Variants in KRT12 observed in about 807,000 individuals in gnomAD.
KRT12 encodes the protein keratin 12.
A neutral mutation model predicts 50.2 loss-of-function variants in KRT12; 43 were observed. That is an observed-to-expected ratio of 0.86 (90% confidence interval 0.67 to 1.11). The LOEUF (loss-of-function observed/expected upper bound fraction) is 1.11, where lower values mean the gene tolerates loss of function less well. Ranked by LOEUF, KRT12 falls within the 50% of genes least tolerant of loss-of-function variation. The pLI, the probability that KRT12 is intolerant of heterozygous loss-of-function variation, is 0.00. For missense variants in KRT12, 588 were observed against 625.6 expected, an observed-to-expected ratio of 0.94 and a Z score of 0.64; for synonymous variants, 257 against 253.6, an observed-to-expected ratio of 1.01 and a Z score of -0.13.
chr17:40,866,545 G>T, intron 1 of KRT12, 75 bp downstream of exon 1: 1 of 1,265,970 alleles, frequency 7.9e-7, no homozygotes, highest in Non-Finnish European at 1.1e-6. Flanking sequence ...AGTTGTAGGT[G>T]ATTATCACTG....
chr17:40,863,362 T>C lies in KRT12; in HGVS notation c.1096-19A>G, dbSNP rs764837943. The C allele has an allele frequency of 1.2e-6, 2 of 1,613,492 alleles. No individual in the cohort carries two copies. Among genetic ancestry groups the C allele is most frequent in the East Asian group, 2.2e-5 (1 of 44,888 alleles). ...ATTTCTTCTGCACGTGGGAGGGAAA[T>C]GGCATAGAAATAACGATGGAGGGGA... On this transcript the variant is annotated intron_variant, in intron 5 of 7. Coordinates refer to ENST00000251643, the MANE Select transcript of KRT12 (RefSeq NM_000223.4). The surrounding 1 kb of genome is among the most constrained non-coding windows in gnomAD (Gnocchi z 4.2).
rs1249779228 is a variant in KRT12, at chr17:40,867,078, T to C, written c.109A>G (p.Ser37Gly). Residue 37 changes from serine to glycine, a missense_variant, in exon 1 of 8, where the codon AGT (serine) becomes GGT (glycine). Transcript: ENST00000251643. The part of the protein sequence containing the change: ...IGRPRGMSAS[S>G]VGSGYGGSAF... Reference sequence around the variant, plus strand: ...CTTCCCCCATAACCACTTCCAACACTGGAAGCAGACATGCCCCTGGGTCTG... The same window carrying C: ...CTTCCCCCATAACCACTTCCAACACCGGAAGCAGACATGCCCCTGGGTCTG... 12 of 1,613,224 alleles carry C rather than the reference T, an allele frequency of 7.4e-6. No individual in the cohort carries two copies. The highest frequency in any genetic ancestry group is 1.0e-5 in the Non-Finnish European group (12 of 1,179,592).
chr17:40,864,893 G>A lies in KRT12; in HGVS notation c.720C>T (p.Asp240=), dbSNP rs374709762. 2.5e-5 allele frequency: 40 copies of A among 1,614,092 alleles called. No individual in the cohort carries two copies. Among genetic ancestry groups the A allele is most frequent in the Non-Finnish European group, 3.2e-5 (38 of 1,180,032 alleles). ...ADINGLRRVL[D]ELTLTRTDLE... is the part of the protein sequence containing the mutation. ...GGTCGGTCCTGGTCAGGGTCAGCTC[G>A]TCCAGCACCCGGCGCAGGCCATTGA... Residue 240 remains aspartate (D), a synonymous_variant, in exon 3 of 8, where the codon GAC becomes GAT. Coordinates refer to ENST00000251643, the MANE Select transcript of KRT12 (RefSeq NM_000223.4).
chr17:40,862,311 G>C (rs1451075421), intron 7 of KRT12, among the ~76,000 whole-genome samples: 1 of 151,984 alleles, frequency 6.6e-6, no homozygotes, highest in Non-Finnish European at 1.5e-5. Flanking sequence ...GGCCTCAAGC[G>C]ATCCTCCCAC....
At position 40,864,796 on chromosome 17, in the gene KRT12, T is replaced by C; in HGVS notation, c.807+10A>G. The C allele has an allele frequency of 6.2e-7, 1 of 1,613,700 alleles. No homozygotes were observed. The highest frequency in any genetic ancestry group is 8.5e-7 in the Non-Finnish European group (1 of 1,179,894). On this transcript the variant is annotated intron_variant, in intron 3 of 7. Transcript: ENST00000251643. Reference sequence around the variant, plus strand: ...AAAGTAGCTGAGTGAGGCTGCCCTGTCTGACTCACATCCTCGTGGTTCTTC... The same window carrying C: ...AAAGTAGCTGAGTGAGGCTGCCCTGCCTGACTCACATCCTCGTGGTTCTTC...
intron 7 of KRT12, 33 bp downstream of exon 7, chr17:40,862,532 C>T (rs1254028859): frequency 6.8e-7 from 1 of 1,479,800 alleles, no homozygotes; most frequent in Non-Finnish European, 9.5e-7. Flanking sequence ...GTGATTCCGA[C>T]TTATTCTAAG....
At position 40,866,693 on chromosome 17, in the gene KRT12, C is replaced by T. The variant is rs764928649; in HGVS notation, c.494G>A (p.Gly165Glu). ...CTGTGAAGCATCTGCAGTCCCAGTT[C>T]CTCGTGTTTCATACCATTCTCGAAT... The part of the protein sequence containing the change: ...NKIREWYETR[G>E]TGTADASQSD... The change falls in exon 1 of 8, where the codon GGA (glycine) becomes GAA (glutamate). Residue 165 changes from glycine to glutamate, a missense_variant. Gly to Glu is a moderately conservative substitution (Grantham distance 98, BLOSUM62 -2). Transcript: ENST00000251643. The T allele has an allele frequency of 6.2e-7, 1 of 1,614,212 alleles. No homozygotes were observed. The highest frequency in any genetic ancestry group is 1.7e-5 in the Admixed American group (1 of 60,026).
intron 6 of KRT12, 186 bp downstream of exon 6, chr17:40,862,937 T>C: frequency 1.5e-6 from 1 of 651,590 alleles, no homozygotes; most frequent in Non-Finnish European, 2.7e-6. Context: ...TTATGAATTA[T>C]CAAGTAAGAT....
Position 40,862,618 on chromosome 17 carries a change from C to A in KRT12, c.1334G>T (p.Ser445Ile). 6.2e-7 allele frequency: 1 copy of A among 1,613,284 alleles called. No homozygotes were observed. Among genetic ancestry groups the A allele is most frequent in the South Asian group, 1.1e-5 (1 of 91,060 alleles). ...GEAQGDGLEE[S>I]LFVTDSKSQA... ...TGATTTGGAGTCTGTCACAAATAAA[C>A]TTTCCTCCAAACCATCACTGTAAGA... Residue 445 changes from serine to isoleucine, a missense_variant, in exon 7 of 8, where the codon AGT (serine) becomes ATT (isoleucine). Transcript: ENST00000251643.
chr17:40,862,940 A>C (rs1906855951), intron 6 of KRT12, 183 bp downstream of exon 6: 1 of 654,438 alleles, frequency 1.5e-6, no homozygotes, highest in Middle Eastern at 3.2e-4. Context: ...TGAATTATCA[A>C]GTAAGATAAT....
chr17:40,862,492 T>G, intron 7 of KRT12, 73 bp downstream of exon 7: 27 of 944,012 alleles, frequency 2.9e-5, no homozygotes, highest in Non-Finnish European at 4.2e-5. Flanking sequence ...CAGTAGTCAA[T>G]GAGGTCTTAC....
intron 1 of KRT12, 40 bp downstream of exon 1, chr17:40,866,579 GA>G (rs760944886): frequency 8.0e-4 from 1,165 of 1,463,644 alleles, no homozygotes; most frequent in East Asian, 9.9e-4. Flanking sequence ...TGGTAAAAAG[GA>G]AAAAAAAAAT....
chr17:40,863,679 C>T lies in KRT12; in HGVS notation c.969+24G>A. On this transcript the variant is annotated intron_variant, in intron 4 of 7. Coordinates refer to ENST00000251643, the MANE Select transcript of KRT12 (RefSeq NM_000223.4). The surrounding 1 kb of genome is among the most constrained non-coding windows in gnomAD (Gnocchi z 4.2). ...TTCGCAGGCCTTTCTGTGAATGTAT[C>T]AAAGCCTTTGTTGTTTGTGTTACCT... 7 of 1,614,206 alleles carry T rather than the reference C, an allele frequency of 4.3e-6. No homozygotes were observed. The highest frequency in any genetic ancestry group is 5.9e-6 in the Non-Finnish European group (7 of 1,180,046).
rs1445342238 is a variant in KRT12 at position 40,863,266 on chromosome 17, G to C, written c.1173C>G (p.Ile391Met). 6.2e-7 allele frequency: 1 copy of C among 1,613,894 alleles called. No individual in the cohort carries two copies. Among genetic ancestry groups the C allele is most frequent in the Non-Finnish European group, 8.5e-7 (1 of 1,180,004 alleles). ...GGAGCAGCTGTGCCTCCAGGTTGCT[G>C]ATGAGCTGCTGCACCTGGGACAGCT... is the stretch of plus-strand genomic sequence containing the variant. Reference protein sequence around the residue: ...CAQLSQVQQLISNLEAQLLQV... With the variant: ...CAQLSQVQQLMSNLEAQLLQV... Residue 391 changes from isoleucine (I) to methionine (M), a missense_variant, in exon 6 of 8, where the codon ATC becomes ATG. Physicochemically the swap from Ile to Met is conservative, Grantham distance 10 (BLOSUM62 1). Coordinates refer to ENST00000251643, the MANE Select transcript of KRT12 (RefSeq NM_000223.4). This position sits in a 1 kb window ranked among gnomAD's most constrained non-coding sequence, Gnocchi z 4.2.
At position 40,863,587 on chromosome 17, in the gene KRT12, A is replaced by G; in HGVS notation, c.993T>C (p.Ile331=). 1 of 1,614,178 alleles carries G rather than the reference A, an allele frequency of 6.2e-7. No individual in the cohort carries two copies. Among genetic ancestry groups the G allele is most frequent in the South Asian group, 1.1e-5 (1 of 91,086 alleles). The change falls in exon 5 of 8, where the codon ATT becomes ATC. Residue 331 remains isoleucine (I), a synonymous_variant. Transcript: ENST00000251643. The surrounding 1 kb of genome is among the most constrained non-coding windows in gnomAD (Gnocchi z 4.2). ...IEKSGELRKE[I]STNTEQLQSS... ...ACTGAAGCTGCTCGGTGTTGGTGCT[A>G]ATCTCCTTACGGAGCTCCCCGCTCT...
rs1176336411 is a variant in KRT12, at chr17:40,866,976, C to A, written c.211G>T (p.Gly71Cys). The A allele has an allele frequency of 4.4e-6, 7 of 1,597,672 alleles. No individual in the cohort carries two copies. The African/African-American group carries it at 9.5e-5, about 22-fold the overall frequency. ...CCTGCCATGGAACTTCCGGAGCCACCCCCAAAGCCGGAACTAGAACCAAAC... is the reference window on the plus strand; with the variant it reads ...CCTGCCATGGAACTTCCGGAGCCACACCCAAAGCCGGAACTAGAACCAAAC... ...SMFGSSSGFGGGSGSSMAGGL... is the reference protein window; with the variant it reads ...SMFGSSSGFGCGSGSSMAGGL... The change falls in exon 1 of 8, where the codon GGT (glycine) becomes TGT (cysteine). Residue 71 changes from glycine (G) to cysteine (C), a missense_variant. By Grantham distance (159) the Gly-to-Cys change is radical (BLOSUM62 -3). Transcript: ENST00000251643.
In KRT12 at chr17:40,867,019, G is replaced by A; in HGVS notation, c.168C>T (p.Gly56=). 6.3e-7 allele frequency: 1 copy of A among 1,597,996 alleles called. No individual in the cohort carries two copies. Among genetic ancestry groups the A allele is most frequent in the Non-Finnish European group, 8.5e-7 (1 of 1,172,468 alleles). The change falls in exon 1 of 8, where the codon GGC becomes GGT. Residue 56 remains glycine, a synonymous_variant. Coordinates refer to ENST00000251643, the MANE Select transcript of KRT12 (RefSeq NM_000223.4). ...AFGFGASCGG[G]FSAASMFGSS... ...AACCAAACATGGAAGCAGCAGAAAA[G>A]CCTCCCCCACAGCTGGCTCCAAAGC...
intron 7 of KRT12, 125 bp from the exon 8 acceptor site, chr17:40,861,883 A>G: frequency 1.4e-6 from 1 of 718,530 alleles, no homozygotes; most frequent in East Asian, 2.7e-5. Context: ...TAAACTTTCA[A>G]AAGTAAATTT....
In KRT12 at chr17:40,863,726, C is replaced by T. The variant is rs749851618; in HGVS notation, c.946G>A (p.Ala316Thr). Reference protein sequence around the residue: ...ETIAEQNRKDAEAWFIEKSGE... With the variant: ...ETIAEQNRKDTEAWFIEKSGE... The stretch of plus-strand genomic sequence containing the variant: ...ACCTTTTCAATGAACCAGGCTTCAG[C>T]GTCCTTCCGATTCTGCTCAGCGATG... The change falls in exon 4 of 8, where the codon GCT (alanine) becomes ACT (threonine). Residue 316 changes from alanine to threonine, a missense_variant. Ala to Thr is a moderately conservative substitution (Grantham distance 58). Coordinates refer to ENST00000251643, the MANE Select transcript of KRT12 (RefSeq NM_000223.4). The surrounding 1 kb of genome is among the most constrained non-coding windows in gnomAD (Gnocchi z 4.2). 3 of 1,613,856 alleles carry T rather than the reference C, an allele frequency of 1.9e-6. No homozygotes were observed. The highest frequency in any genetic ancestry group is 2.5e-6 in the Non-Finnish European group (3 of 1,180,030).
Sources: gnomAD v4.1 joint callset for allele counts (sites outside exome capture counted in the v4.1 genomes callset) on GRCh38, gnomAD v4.1.1 for gene constraint, Gnocchi (gnomAD v3.1) non-coding constraint, MANE v1.5 for transcripts, NCBI Gene and HGNC (gene_info 2026-07-23, HGNC 2026-07-21) for gene names.